PALM: variants seen among roughly 807,000 people sequenced by gnomAD.
The protein encoded by PALM is paralemmin.
Under a neutral mutation model 30.7 loss-of-function variants are expected in PALM, and 18 were observed. The ratio of observed to expected loss-of-function variants is 0.59; its 90% CI spans 0.41 to 0.87. The LOEUF is 0.87. Among genes scored for constraint, PALM ranks in the 40% least tolerant of loss-of-function variants. The pLI is 0.00. For missense variants in PALM, 529 were observed against 555.4 expected (o/e 0.95, Z 0.48); for synonymous variants, 286 against 242.8 (o/e 1.18, Z -1.66).
intron 1 of PALM, among the ~76,000 whole-genome samples, chr19:725,888 G>T (rs567720385): frequency 2.6e-5 from 4 of 152,284 alleles, no homozygotes; most frequent in Non-Finnish European, 4.4e-5. Flanking sequence ...TGGTGGCCCT[G>T]CCTCAATGTC....
chr19:719,417 G>T (rs1244628827), intron 1 of PALM: 2 of 985,386 alleles, frequency 2.0e-6, no homozygotes, highest in Non-Finnish European at 2.4e-6. Context: ...CGCCCACACC[G>T]CCACACGCCG....
rs771290316 is a variant in PALM at position 740,467 on chromosome 19, C to A, written c.618C>A (p.Tyr206Ter). 2.1e-4 allele frequency: 331 copies of A among 1,551,710 alleles called. No homozygotes were observed. Among genetic ancestry groups the A allele is most frequent in the Non-Finnish European group, 2.3e-4 (264 of 1,147,208 alleles). ...RQPLPLGIKV[Y>*]EDETKVVHAV... is the part of the protein sequence containing the mutation. The stretch of plus-strand genomic sequence containing the variant: ...CGCTCCCTCTGGGCATCAAAGTCTA[C>A]GAGGACGAGACCAAAGGTACGAGCA... Residue 206 changes from tyrosine (Y) to a stop codon, truncating the protein, a stop_gained, in exon 8 of 9, where the codon TAC (tyrosine) becomes TAA (stop). Transcript: ENST00000338448. LOFTEE classifies it low-confidence loss of function (END_TRUNC).
At chr19:734,040 G>A (rs757445337) in intron 5 of PALM, 133 bp from the exon 6 acceptor site, 48 of 742,812 alleles carry the variant, frequency 6.5e-5, no homozygotes, top group Non-Finnish European at 1.1e-4. Context: ...AGTCCCAAGA[G>A]GATAGGATGA....
intron 4 of PALM, 132 bp downstream of exon 4, chr19:727,826 C>A: frequency 1.2e-6 from 1 of 850,446 alleles, no homozygotes; most frequent in Non-Finnish European, 1.8e-6. Context: ...GGCCAGGACC[C>A]AACATGCTTT....
rs530808879 is a variant in PALM at position 742,326 on chromosome 19, C to A, written c.634+1843C>A. The stretch of plus-strand genomic sequence containing the variant: ...TTTCATAGAAATGAGATCACACGGC[C>A]GGGTGCGGTGGCTCACACCTGTAAT... On this transcript the variant is annotated intron_variant, in intron 8 of 8. Transcript: ENST00000338448. The surrounding 1 kb of genome is among the most constrained non-coding windows in gnomAD (Gnocchi z 5.5). Among the ~76,000 whole-genome samples, 11 of 152,096 alleles carry A rather than the reference C, an allele frequency of 7.2e-5. No individual in the cohort carries two copies. In the South Asian group the frequency reaches 2.1e-3, roughly 29 times the overall value.
At chr19:731,622 G>T (rs11670602) in intron 5 of PALM, among the ~76,000 whole-genome samples, 32 of 78,354 alleles carry the variant, frequency 4.1e-4, no homozygotes, top group Non-Finnish European at 6.1e-4. Flanking sequence ...CGTCAGAAGG[G>T]CTCAGGGAGC....
At chr19:719,802 C>A in intron 1 of PALM, 1 of 220,730 alleles carries the variant, frequency 4.5e-6, no homozygotes, top group Non-Finnish European at 7.6e-6. Context: ...CGGGAGAAGG[C>A]CGCCCTGCCC....
Position 726,181 on chromosome 19 carries a change from G to C in PALM, c.49G>C (p.Ala17Pro). Residue 17 changes from alanine (A) to proline (P), a missense_variant, in exon 2 of 9, where the codon GCC becomes CCC. Coordinates refer to ENST00000338448, the MANE Select transcript of PALM (RefSeq NM_002579.3). ...CACGTCCCAGCAGGAGCGGCTGCAG[G>C]CCATCGCAGTGAGTTTCCGCCGCCC... ...ETTSQQERLQ[A>P]IAEKRKRQAE... is the part of the protein sequence containing the mutation. The C allele has an allele frequency of 6.2e-7, 1 of 1,613,158 alleles. No individual in the cohort carries two copies.
chr19:734,594 CCAG>C (rs1229174807), intron 6 of PALM: 1 of 214,786 alleles, frequency 4.7e-6, no homozygotes. Flanking sequence ...ACCTGTAACC[CCAG>C]CGCTCTGGGA....
chr19:742,127 A>C lies in PALM; in HGVS notation c.634+1644A>C, dbSNP rs2033212269. Among the ~76,000 whole-genome samples, 1 of 152,184 alleles carries C rather than the reference A, an allele frequency of 6.6e-6. No homozygotes were observed. Among genetic ancestry groups the C allele is most frequent in the African/African-American group, 2.4e-5 (1 of 41,452 alleles). ...AGCTATGATGGCACCCCTGCACTCC[A>C]GCCTGGGCCACAGACCAAGACCCTG... On this transcript the variant is annotated intron_variant, in intron 8 of 8. Coordinates refer to ENST00000338448, the MANE Select transcript of PALM (RefSeq NM_002579.3). This position sits in a 1 kb window ranked among gnomAD's most constrained non-coding sequence, Gnocchi z 5.5.
At chr19:735,986 T>C (rs2144906314) in intron 6 of PALM, 33 bp from the exon 7 acceptor site, 1 of 1,591,692 alleles carries the variant, frequency 6.3e-7, no homozygotes, top group Admixed American at 1.7e-5. Flanking sequence ...CCTCTGACCC[T>C]CATCTCTCTC....
At chr19:738,294 A>AT (rs2033081834) in intron 7 of PALM, among the ~76,000 whole-genome samples, 1 of 152,116 alleles carries the variant, frequency 6.6e-6, no homozygotes, top group East Asian at 1.9e-4. Context: ...TGGGAGGCCG[A>AT]GGGGGGCAGA....
At position 709,436 on chromosome 19, in the gene PALM, C is replaced by G. The variant is rs2031995788; in HGVS notation, c.5+285C>G. Among the ~76,000 whole-genome samples the G allele has an allele frequency of 6.6e-6, 1 of 151,710 alleles. No homozygotes were observed. The highest frequency in any genetic ancestry group is 1.5e-5 in the Non-Finnish European group (1 of 67,812). On this transcript the variant is annotated intron_variant, in intron 1 of 8. Coordinates refer to ENST00000338448, the MANE Select transcript of PALM (RefSeq NM_002579.3). The surrounding 1 kb of genome is among the most constrained non-coding windows in gnomAD (Gnocchi z 4.3). ...AGTCCAGGACGCGGGGAGGGGGAGG[C>G]TCGCGTCTCCGCCCGCGCCCCGCCC... is the stretch of plus-strand genomic sequence containing the variant.
chr19:740,395 A>C lies in PALM; in HGVS notation c.546A>C (p.Thr182=). The change falls in exon 8 of 9, where the codon ACA becomes ACC. Residue 182 remains threonine, a synonymous_variant. Transcript: ENST00000338448. ...VEITVEKDKV[T]GETRVLSSTT... is the part of the protein sequence containing the mutation. ...TCACTGTGGAGAAGGACAAGGTGAC[A>C]GGGGAGACCAGGGTGCTGTCCAGCA... 6.4e-7 allele frequency: 1 copy of C among 1,559,244 alleles called. No individual in the cohort carries two copies. Among genetic ancestry groups the C allele is most frequent in the Non-Finnish European group, 8.7e-7 (1 of 1,151,260 alleles).
In PALM at chr19:748,218, G is replaced by A. The variant is rs1194340500; in HGVS notation, c.*1404G>A. ...AGTCTGCCTGAGTCCCTCGAGCCGC[G>A]AGCCTTCGCTGAAGTGCCCTTGCTA... On this transcript the variant is annotated 3_prime_UTR_variant, in exon 9 of 9. Transcript: ENST00000338448. The A allele has an allele frequency of 1.3e-5, 2 of 152,624 alleles. No homozygotes were observed. Among genetic ancestry groups the A allele is most frequent in the Non-Finnish European group, 2.9e-5 (2 of 68,108 alleles). 9.5% of individuals were successfully genotyped at this position (152,624 alleles called of 1,614,324 possible). A position where few individuals can be genotyped will look rare whatever the true frequency, so the allele number is the denominator to read the frequency against.
intron 7 of PALM, among the ~76,000 whole-genome samples, chr19:738,448 C>A (rs2033087927): frequency 6.6e-6 from 1 of 151,922 alleles, no homozygotes; most frequent in African/African-American, 2.4e-5. Context: ...ATCGGTTGAA[C>A]CTGGGAGGCA....
rs576333976 is a variant in PALM, at chr19:733,064, T to C, written c.421-1109T>C. Among the ~76,000 whole-genome samples the C allele has an allele frequency of 9.9e-5, 15 of 152,120 alleles. No individual in the cohort carries two copies. In the East Asian group the frequency reaches 2.9e-3, roughly 29 times the overall value. The stretch of plus-strand genomic sequence containing the variant: ...GCCTTAGCCTCCTAAGTATCTGGGA[T>C]TGCAGGCGCCCGCCACCACGCCCAG... On this transcript the variant is annotated intron_variant, in intron 5 of 8. Coordinates refer to ENST00000338448, the MANE Select transcript of PALM (RefSeq NM_002579.3).
At chr19:735,917 A>G in intron 6 of PALM, 102 bp from the exon 7 acceptor site, 1 of 916,766 alleles carries the variant, frequency 1.1e-6, no homozygotes, top group Non-Finnish European at 1.7e-6. Context: ...TGCATGTGGG[A>G]GTCCGGATGC....
At chr19:715,128 C>T (rs1014517662) in intron 1 of PALM, among the ~76,000 whole-genome samples, 1 of 152,128 alleles carries the variant, frequency 6.6e-6, no homozygotes, top group African/African-American at 2.4e-5. Context: ...GCCGGGCGGG[C>T]GTGGTGGCGG....
Sources: gnomAD v4.1 joint callset for allele counts (sites outside exome capture counted in the v4.1 genomes callset) on GRCh38, gnomAD v4.1.1 for gene constraint, Gnocchi (gnomAD v3.1) non-coding constraint, MANE v1.5 for transcripts, NCBI Gene and HGNC (gene_info 2026-07-23, HGNC 2026-07-21) for gene names.